INPP5F: variants seen among roughly 807,000 people sequenced by gnomAD.
The protein encoded by INPP5F is inositol polyphosphate-5-phosphatase F, also known as phosphatidylinositide 4-phosphatase SAC2.
In INPP5F, 97 loss-of-function variants were observed where a neutral mutation model predicts 137.2. The ratio of observed to expected loss-of-function variants is 0.71; its 90% CI spans 0.60 to 0.84. INPP5F has a LOEUF of 0.84. Among genes scored for constraint, INPP5F ranks in the 40% least tolerant of loss-of-function variants. The pLI, the probability that INPP5F is intolerant of heterozygous loss-of-function variation, is 0.00. For missense variants in INPP5F, 1,271 were observed against 1,371.9 expected (o/e 0.93, Z 1.16); for synonymous variants, 504 against 476.9 (o/e 1.06, Z -0.74).
rs116339459 is a variant in INPP5F, at chr10:119,768,824, T to C, written c.179-12811T>C. Among the ~76,000 whole-genome samples the C allele has an allele frequency of 2.6e-3, 391 of 152,316 alleles. 1 individual carries two copies. The highest frequency in any genetic ancestry group is 9.0e-3 in the African/African-American group (373 of 41,574). ...CCCTTGTTCCTCACATGAATGTTTATAGAGATAAACTGGAAAGTGTCCAAA... is the reference window on the plus strand; with the variant it reads ...CCCTTGTTCCTCACATGAATGTTTACAGAGATAAACTGGAAAGTGTCCAAA... On this transcript the variant is annotated intron_variant, in intron 2 of 19. Coordinates refer to ENST00000650623, the MANE Select transcript of INPP5F (RefSeq NM_014937.4).
At chr10:119,808,376 GACAAA>G (rs1346871238) in intron 13 of INPP5F, among the ~76,000 whole-genome samples, 1 of 152,194 alleles carries the variant, frequency 6.6e-6, no homozygotes, top group African/African-American at 2.4e-5. Flanking sequence ...TTTCAAAACT[GACAAA>G]ACAGAGCATG....
chr10:119,819,355 G>A, intron 15 of INPP5F: 3 of 1,252,836 alleles, frequency 2.4e-6, no homozygotes, highest in Non-Finnish European at 2.0e-6. Flanking sequence ...TACGTGCCAA[G>A]TGCTTTTTGT....
intron 1 of INPP5F, among the ~76,000 whole-genome samples, chr10:119,731,158 C>T (rs1033988199): frequency 3.9e-5 from 6 of 151,930 alleles, no homozygotes; most frequent in Admixed American, 3.9e-4. Context: ...TTCTGTTCTT[C>T]TTAGAGTTAA....
At chr10:119,806,335 A>G (rs762437814) in intron 11 of INPP5F, 25 bp from the exon 12 acceptor site, 68 of 1,462,586 alleles carry the variant, frequency 4.6e-5, no homozygotes, top group South Asian at 2.4e-4. Flanking sequence ...ATATTGTAAA[A>G]TAATTCTGTA....
chr10:119,743,928 T>C (rs1848450890), intron 1 of INPP5F, among the ~76,000 whole-genome samples: 1 of 152,106 alleles, frequency 6.6e-6, no homozygotes, highest in African/African-American at 2.4e-5. Context: ...TTGAGAGATA[T>C]AAAAATAAGG....
chr10:119,814,510 G>C (rs1027213876), intron 15 of INPP5F: 3 of 152,284 alleles, frequency 2.0e-5, no homozygotes, highest in African/African-American at 7.2e-5. Flanking sequence ...GTGTTAGACA[G>C]CAAGGGCCAG....
At chr10:119,746,809 A>T (rs1164801457) in intron 1 of INPP5F, among the ~76,000 whole-genome samples, 1 of 149,424 alleles carries the variant, frequency 6.7e-6, no homozygotes, top group Non-Finnish European at 1.5e-5. Flanking sequence ...TTTGAGACAG[A>T]GTCTTGCTCT....
intron 1 of INPP5F, among the ~76,000 whole-genome samples, chr10:119,740,566 G>A (rs997853178): frequency 5.9e-5 from 9 of 151,704 alleles, no homozygotes; most frequent in Admixed American, 2.0e-4. Flanking sequence ...TTTTTGAGAC[G>A]GAGTTTCACT....
chr10:119,799,794 C>A (rs899328155), intron 9 of INPP5F, among the ~76,000 whole-genome samples: 1 of 152,008 alleles, frequency 6.6e-6, no homozygotes, highest in African/African-American at 2.4e-5. Context: ...AAAGGTTAAG[C>A]AATAAAACTT....
rs139834150 is a variant in INPP5F at position 119,827,456 on chromosome 10, T to A, written c.3075T>A (p.Phe1025Leu). The stretch of plus-strand genomic sequence containing the variant: ...CTCTTTCTGCAACAGGCCCACAGTT[T>A]TTGTCAGTTGAGCCAGCGCATTCAG... ...DVSLSATGPQ[F>L]LSVEPAHSVA... The change falls in exon 20 of 20, where the codon TTT (phenylalanine) becomes TTA (leucine). Residue 1025 changes from phenylalanine (F) to leucine (L), a missense_variant. Coordinates refer to ENST00000650623, the MANE Select transcript of INPP5F (RefSeq NM_014937.4). 128 of 1,614,120 alleles carry A rather than the reference T, an allele frequency of 7.9e-5. No individual in the cohort carries two copies. The African/African-American group carries it at 1.2e-3, about 15-fold the overall frequency.
At chr10:119,804,120 A>AT in intron 9 of INPP5F, 53 bp from the exon 10 acceptor site, 1 of 1,330,086 alleles carries the variant, frequency 7.5e-7, no homozygotes, top group Non-Finnish European at 1.0e-6. Flanking sequence ...ATTTTAAACC[A>AT]CATTGTGATT....
At chr10:119,800,453 G>A (rs952776044) in intron 9 of INPP5F, among the ~76,000 whole-genome samples, 4 of 151,208 alleles carry the variant, frequency 2.6e-5, no homozygotes, top group Admixed American at 6.6e-5. Context: ...CTAGCTTCTC[G>A]GGAGGCTGAG....
intron 1 of INPP5F, among the ~76,000 whole-genome samples, chr10:119,749,411 G>C (rs1007995045): frequency 6.6e-6 from 1 of 152,242 alleles, no homozygotes; most frequent in Non-Finnish European, 1.5e-5. Context: ...AGTTTGGTAT[G>C]TATACAAACA....
intron 11 of INPP5F, among the ~76,000 whole-genome samples, chr10:119,805,968 G>A (rs1377585596): frequency 3.3e-5 from 5 of 152,142 alleles, no homozygotes; most frequent in Non-Finnish European, 5.9e-5. Flanking sequence ...CTCCTCACTG[G>A]GGGGTAAAAT....
At chr10:119,790,961 C>T (rs780455157) in intron 3 of INPP5F, among the ~76,000 whole-genome samples, 15 of 152,174 alleles carry the variant, frequency 9.9e-5, no homozygotes, top group Non-Finnish European at 1.5e-4. Flanking sequence ...AACTAATCTC[C>T]GGACCCAAAG....
At chr10:119,727,398 C>A (rs949124478) in intron 1 of INPP5F, among the ~76,000 whole-genome samples, 1 of 152,244 alleles carries the variant, frequency 6.6e-6, no homozygotes, top group Non-Finnish European at 1.5e-5. Flanking sequence ...TTTTTAAGGA[C>A]AGGCCCTTTA....
rs1162697745 is a variant in INPP5F at position 119,804,196 on chromosome 10, G to T, written c.1140G>T (p.Gln380His). The part of the protein sequence containing the change: ...KKQVIINLVD[Q>H]AGREKIIGDA... ...AGGTTATTATTAACTTGGTAGACCA[G>T]GCAGGAAGAGAGAAGATTATTGGCG... The change falls in exon 10 of 20, where the codon CAG becomes CAT. Residue 380 changes from glutamine to histidine, a missense_variant. Physicochemically the swap from Gln to His is conservative, Grantham distance 24 (BLOSUM62 0). Transcript: ENST00000650623. 1.2e-6 allele frequency: 2 copies of T among 1,610,346 alleles called. No individual in the cohort carries two copies. Among genetic ancestry groups the T allele is most frequent in the South Asian group, 1.1e-5 (1 of 90,790 alleles).
intron 19 of INPP5F, among the ~76,000 whole-genome samples, chr10:119,824,548 ATTG>A: frequency 6.6e-6 from 1 of 152,214 alleles, no homozygotes; most frequent in Non-Finnish European, 1.5e-5. Flanking sequence ...CCTGTGTAGT[ATTG>A]TTGAGGTTAA....
rs542364874 is a variant in INPP5F, at chr10:119,822,764, C to G, written c.2032+260C>G. Among the ~76,000 whole-genome samples the G allele has an allele frequency of 2.6e-5, 4 of 152,282 alleles. No homozygotes were observed. In the South Asian group the frequency reaches 8.3e-4, roughly 32 times the overall value. ...TGTTAGAAACCAGAAAGGGATATTC[C>G]AAGCTGTCTACTTCTTAGAACTTCC... On this transcript the variant is annotated intron_variant, in intron 17 of 19. Transcript: ENST00000650623.
Sources: gnomAD v4.1 joint callset for allele counts (sites outside exome capture counted in the v4.1 genomes callset) on GRCh38, gnomAD v4.1.1 for gene constraint, MANE v1.5 for transcripts, NCBI Gene and HGNC (gene_info 2026-07-23, HGNC 2026-07-21) for gene names.